The following KCND2 variants were observed in gnomAD, a reference collection of about 807,000 sequenced individuals.
KCND2 encodes A-type voltage-gated potassium channel KCND2.
Under a neutral mutation model 54.4 loss-of-function variants are expected in KCND2, and 16 were observed. The observed-to-expected ratio is 0.29, with a 90% CI of 0.20 to 0.45. The LOEUF is 0.45. KCND2 is among the 20% of genes least tolerant of loss of function. The pLI is 1.00. For synonymous variants in KCND2, 317 were observed against 310.7 expected, an observed-to-expected ratio of 1.02 and a Z score of -0.21; for missense variants, 486 against 824.2, an observed-to-expected ratio of 0.59 and a Z score of 5.02.
chr7:120,606,165 T>G (rs1165200040), intron 1 of KCND2, among the ~76,000 whole-genome samples: 1 of 152,190 alleles, frequency 6.6e-6, no homozygotes, highest in East Asian at 1.9e-4. Flanking sequence ...ATCTTTTTCT[T>G]TATTAATTAC....
At chr7:120,730,743 C>T (rs1212446832) in intron 1 of KCND2, among the ~76,000 whole-genome samples, 1 of 151,716 alleles carries the variant, frequency 6.6e-6, no homozygotes, top group African/African-American at 2.4e-5. Context: ...AATAGGGTCA[C>T]TAAATGTGGC....
At chr7:120,570,295 T>C (rs1792346819) in intron 1 of KCND2, among the ~76,000 whole-genome samples, 1 of 152,032 alleles carries the variant, frequency 6.6e-6, no homozygotes, top group Non-Finnish European at 1.5e-5. Context: ...GATGAAATAT[T>C]ACCTATTGGA....
At chr7:120,615,288 A>G (rs1050363153) in intron 1 of KCND2, among the ~76,000 whole-genome samples, 1 of 152,198 alleles carries the variant, frequency 6.6e-6, no homozygotes, top group Non-Finnish European at 1.5e-5. Context: ...GTCCTCTACC[A>G]GAACCTGGCT....
chr7:120,715,837 T>C (rs1464328213), intron 1 of KCND2, among the ~76,000 whole-genome samples: 1 of 152,128 alleles, frequency 6.6e-6, no homozygotes, highest in Non-Finnish European at 1.5e-5. Context: ...GCTTCCCATG[T>C]GAGTTCTCTA....
intron 1 of KCND2, among the ~76,000 whole-genome samples, chr7:120,477,165 T>C (rs1219841659): frequency 6.6e-6 from 1 of 152,238 alleles, no homozygotes; most frequent in Non-Finnish European, 1.5e-5. Context: ...TAGCTTACTG[T>C]ATGCTTACTA....
At chr7:120,414,718 TCAC>T (rs558736606) in intron 1 of KCND2, among the ~76,000 whole-genome samples, 1 of 152,312 alleles carries the variant, frequency 6.6e-6, no homozygotes, top group Non-Finnish European at 1.5e-5. Context: ...CATTTTGTTG[TCAC>T]CACTTTTTCC....
At chr7:120,590,319 G>C (rs963645436) in intron 1 of KCND2, among the ~76,000 whole-genome samples, 3 of 151,936 alleles carry the variant, frequency 2.0e-5, no homozygotes, top group African/African-American at 7.3e-5. Context: ...GCCTGGCTAG[G>C]GCTCTTAATT....
chr7:120,513,712 C>G (rs1803154953), intron 1 of KCND2, among the ~76,000 whole-genome samples: 2 of 151,890 alleles, frequency 1.3e-5, no homozygotes, highest in South Asian at 4.2e-4. Flanking sequence ...CTTTTTTTTA[C>G]TTTTCTAATT....
intron 1 of KCND2, among the ~76,000 whole-genome samples, chr7:120,461,858 CA>C (rs1802288570): frequency 6.6e-6 from 1 of 152,022 alleles, no homozygotes; most frequent in Non-Finnish European, 1.5e-5. Flanking sequence ...GCTAACAAAT[CA>C]GTGTGTATGC....
chr7:120,424,190 G>A (rs370158000), intron 1 of KCND2, among the ~76,000 whole-genome samples: 22 of 152,280 alleles, frequency 1.4e-4, no homozygotes, highest in Middle Eastern at 3.4e-3. Context: ...TGGTTAAGAA[G>A]TGGGCCTTGA....
intron 1 of KCND2, among the ~76,000 whole-genome samples, chr7:120,316,975 A>G (rs148580464): frequency 1.3e-5 from 2 of 152,084 alleles, no homozygotes; most frequent in Non-Finnish European, 2.9e-5. Flanking sequence ...AGCTGGGACT[A>G]TAGGCGCATT....
intron 1 of KCND2, among the ~76,000 whole-genome samples, chr7:120,296,982 TG>T (rs915949112): frequency 1.3e-5 from 2 of 152,108 alleles, no homozygotes; most frequent in Non-Finnish European, 2.9e-5. Flanking sequence ...AGCTTTAATT[TG>T]ACATATTTTT....
intron 1 of KCND2, among the ~76,000 whole-genome samples, chr7:120,566,366 G>A (rs925434483): frequency 6.6e-6 from 1 of 151,886 alleles, no homozygotes; most frequent in Non-Finnish European, 1.5e-5. Context: ...TTTAAGATGA[G>A]GTCTGGCTCT....
chr7:120,418,395 C>T (rs1399911734), intron 1 of KCND2, among the ~76,000 whole-genome samples: 1 of 150,686 alleles, frequency 6.6e-6, no homozygotes, highest in Non-Finnish European at 1.5e-5. Flanking sequence ...TTTTGAAATA[C>T]AAAAAAAAAG....
chr7:120,514,352 A>G (rs772995512), intron 1 of KCND2, among the ~76,000 whole-genome samples: 5 of 152,126 alleles, frequency 3.3e-5, no homozygotes, highest in Admixed American at 6.6e-5. Context: ...ACAGGAAATC[A>G]GTTGTGAGGC....
chr7:120,598,955 T>C (rs879264044), intron 1 of KCND2, among the ~76,000 whole-genome samples: 4 of 152,194 alleles, frequency 2.6e-5, no homozygotes, highest in Admixed American at 6.5e-5. Context: ...TTTACAGTTT[T>C]ATGTTTTACA....
At chr7:120,511,869 GA>G (rs755073991) in intron 1 of KCND2, among the ~76,000 whole-genome samples, 18 of 152,018 alleles carry the variant, frequency 1.2e-4, no homozygotes, top group Non-Finnish European at 2.1e-4. Context: ...TCACAAAACG[GA>G]ATTTCAGCCC....
At chr7:120,612,272 C>T (rs1039713666) in intron 1 of KCND2, among the ~76,000 whole-genome samples, 1 of 152,182 alleles carries the variant, frequency 6.6e-6, no homozygotes, top group Admixed American at 6.5e-5. Flanking sequence ...TCCCCATGCC[C>T]ACACACTTAA....
At chr7:120,720,768 T>C (rs1792656673) in intron 1 of KCND2, among the ~76,000 whole-genome samples, 1 of 152,198 alleles carries the variant, frequency 6.6e-6, no homozygotes. Context: ...TTCCTGCTGT[T>C]GCTAATTCCT....
Sources: allele counts gnomAD v4.1 joint callset (sites outside exome capture counted in the v4.1 genomes callset), GRCh38; gene constraint gnomAD v4.1.1; transcripts MANE v1.5; gene names NCBI Gene and HGNC (gene_info 2026-07-23, HGNC 2026-07-21).